CGREF1: variants seen among roughly 807,000 people sequenced by gnomAD.
CGREF1 encodes cell growth regulator with EF-hand domain 1.
CGREF1 carries 16 observed loss-of-function variants against 17.4 expected under a neutral mutation model. That is an observed-to-expected ratio of 0.92 (90% CI 0.62 to 1.40). The LOEUF (loss-of-function observed/expected upper bound fraction) is 1.40. Among genes scored for constraint, CGREF1 ranks in the 40% most tolerant of loss-of-function variants. The pLI is 0.00. For synonymous variants in CGREF1, 142 were observed against 154.6 expected (o/e 0.92, Z 0.61); for missense variants, 296 against 376.4 (o/e 0.79, Z 1.77).
In CGREF1 at chr2:27,104,542, A is replaced by G. The variant is rs1295151897; in HGVS notation, c.-11-165T>C. On this transcript the variant is annotated intron_variant, in intron 1 of 5. Coordinates refer to ENST00000402394, the MANE Select transcript of CGREF1 (RefSeq NM_006569.6). ...CTCACAGACAGACAGCAGGGATCCC[A>G]TGGAACTATGCTCAAAATAAATGTC... 12 of 1,550,618 alleles carry G rather than the reference A, an allele frequency of 7.7e-6. No homozygotes were observed. The Admixed American group carries it at 2.2e-4, about 28-fold the overall frequency.
At chr2:27,104,850 T>TC (rs1414936522) in intron 1 of CGREF1, 1 of 1,406,010 alleles carries the variant, frequency 7.1e-7, no homozygotes, top group Non-Finnish European at 9.4e-7. Flanking sequence ...TGTTTGTGTT[T>TC]ATTAAAAACC....
chr2:27,100,969 T>G lies in CGREF1; in HGVS notation c.*305A>C. Reference sequence around the variant, plus strand: ...CATGCGCTCTGCTGCCGGAGCACCGTGAGGCCCAGAAACACTGGGCAGGCG... The same window carrying G: ...CATGCGCTCTGCTGCCGGAGCACCGGGAGGCCCAGAAACACTGGGCAGGCG... On this transcript the variant is annotated 3_prime_UTR_variant, in exon 6 of 6. Coordinates refer to ENST00000402394, the MANE Select transcript of CGREF1 (RefSeq NM_006569.6). The G allele has an allele frequency of 8.5e-7, 1 of 1,177,390 alleles. No individual in the cohort carries two copies. Among genetic ancestry groups the G allele is most frequent in the African/African-American group, 1.6e-5 (1 of 63,162 alleles). The allele number at this position is 1,177,390 out of a possible 1,614,324, so 72.9% of individuals were successfully genotyped here. A position where few individuals can be genotyped will look rare whatever the true frequency, so the allele number is the denominator to read the frequency against.
Position 27,109,640 on chromosome 2 carries a change from C to A in CGREF1, c.-11-5263G>T, listed in dbSNP as rs184853416. Among the ~76,000 whole-genome samples the A allele has an allele frequency of 9.1e-4, 138 of 152,200 alleles. 5 individuals are homozygous for A. In the East Asian group the frequency reaches 0.023, roughly 25 times the overall value. ...GTGGCTCACGCCTGTAATCCCAGCACTCTGGGAGGCCGAGGTGGGCGGATC... is the reference window on the plus strand; with the variant it reads ...GTGGCTCACGCCTGTAATCCCAGCAATCTGGGAGGCCGAGGTGGGCGGATC... On this transcript the variant is annotated intron_variant, in intron 1 of 5. Coordinates refer to ENST00000402394, the MANE Select transcript of CGREF1 (RefSeq NM_006569.6).
chr2:27,104,417 C>T (rs1671036907), intron 1 of CGREF1, 40 bp from the exon 2 acceptor site: 11 of 1,604,958 alleles, frequency 6.9e-6, no homozygotes, highest in Non-Finnish European at 9.4e-6. Flanking sequence ...GGGAAAGAGG[C>T]GTCTGCCACC....
downstream of CGREF1, chr2:27,100,216 T>G: frequency 2.5e-6 from 1 of 403,154 alleles, no homozygotes; most frequent in Non-Finnish European, 4.7e-6. Context: ...TTCGGGGCCC[T>G]GCGTTGTGCA....
rs942907260 is a variant in CGREF1, at chr2:27,101,136, G to A, written c.*138C>T. 1.4e-6 allele frequency: 2 copies of A among 1,450,888 alleles called. No homozygotes were observed. Among genetic ancestry groups the A allele is most frequent in the Non-Finnish European group, 1.8e-6 (2 of 1,109,676 alleles). 89.9% of individuals were successfully genotyped at this position (1,450,888 alleles called of 1,614,324 possible). A position where few individuals can be genotyped will look rare whatever the true frequency, so the allele number is the denominator to read the frequency against. On this transcript the variant is annotated 3_prime_UTR_variant, in exon 6 of 6. Coordinates refer to ENST00000402394, the MANE Select transcript of CGREF1 (RefSeq NM_006569.6). ...CCTTAACTTAGGGTCTCCCTGAGCT[G>A]CACAGAAAGACCTGATACCTACTGG...
chr2:27,103,953 A>G (rs1490500367), intron 2 of CGREF1, among the ~76,000 whole-genome samples: 1 of 152,138 alleles, frequency 6.6e-6, no homozygotes, highest in East Asian at 1.9e-4. Flanking sequence ...ACTGCACTCC[A>G]GCCTGGGCGA....
intron 1 of CGREF1, 134 bp from the exon 2 acceptor site, chr2:27,104,511 G>A: frequency 6.4e-7 from 1 of 1,551,240 alleles, no homozygotes; most frequent in South Asian, 1.2e-5. Flanking sequence ...TCCTGCTCAG[G>A]GAGGACTCAC....
chr2:27,099,966 GCCAGCTTCTCCTCTCA>G, downstream of CGREF1: 1 of 1,027,662 alleles, frequency 9.7e-7, no homozygotes, highest in Non-Finnish European at 1.5e-6. Flanking sequence ...CTTCCTCAGA[GCCAGCTTCTCCTCTCA>G]ATGTCTGAAC....
chr2:27,101,068 G>C lies in CGREF1; in HGVS notation c.*206C>G, dbSNP rs1163576493. 3.7e-6 allele frequency: 5 copies of C among 1,348,384 alleles called. No homozygotes were observed. The highest frequency in any genetic ancestry group is 3.6e-5 in the Admixed American group (1 of 28,060). 83.5% of individuals were successfully genotyped at this position (1,348,384 alleles called of 1,614,324 possible). The stretch of plus-strand genomic sequence containing the variant: ...GGCAGGCTGGACGGGTAGAGAGGTG[G>C]CCGGGGGGATGAATTCATTCAGTTC... On this transcript the variant is annotated 3_prime_UTR_variant, in exon 6 of 6. Transcript: ENST00000402394.
At chr2:27,100,539 A>G, downstream of CGREF1, 1 of 1,290,858 alleles carries the variant, frequency 7.7e-7, no homozygotes, top group Non-Finnish European at 1.0e-6. Context: ...AGGGTGGGTA[A>G]GGCCTTATAA....
At position 27,102,590 on chromosome 2, in the gene CGREF1, G is replaced by A; in HGVS notation, c.82C>T (p.Pro28Ser). The A allele has an allele frequency of 6.2e-7, 1 of 1,611,214 alleles. No homozygotes were observed. The highest frequency in any genetic ancestry group is 8.5e-7 in the Non-Finnish European group (1 of 1,179,572). ...AGCTGATGCTGCACTTCAGAGTCTGGCCTGGAGGAGGAAGGGGAGGACCAG... is the reference window on the plus strand; with the variant it reads ...AGCTGATGCTGCACTTCAGAGTCTGACCTGGAGGAGGAAGGGGAGGACCAG... ...QAAPKDGVTR[P>S]DSEVQHQLLP... The change falls in exon 3 of 6, where the codon CCA (proline) becomes TCA (serine). Residue 28 changes from proline (P) to serine (S), a missense_variant and splice_region_variant. Physicochemically the swap from Pro to Ser is moderately conservative, Grantham distance 74. Coordinates refer to ENST00000402394, the MANE Select transcript of CGREF1 (RefSeq NM_006569.6).
At chr2:27,108,768 A>G (rs184741337) in intron 1 of CGREF1, among the ~76,000 whole-genome samples, 1 of 152,342 alleles carries the variant, frequency 6.6e-6, no homozygotes, top group Non-Finnish European at 1.5e-5. Flanking sequence ...ATATTCTAGA[A>G]TTCTATTCTC....
chr2:27,102,299 C>T (rs989207049), intron 4 of CGREF1, 61 bp downstream of exon 4: 1 of 1,612,136 alleles, frequency 6.2e-7, no homozygotes, highest in African/African-American at 1.3e-5. Context: ...CAGCCGAGGT[C>T]AGTCCCAGAT....
chr2:27,102,627 G>T, intron 2 of CGREF1, 36 bp from the exon 3 acceptor site: 2 of 1,584,572 alleles, frequency 1.3e-6, no homozygotes, highest in East Asian at 4.5e-5. Context: ...CTTGCAGAGA[G>T]CCTCCCTCAG....
Position 27,102,528 on chromosome 2 carries a change from G to C in CGREF1, c.144C>G (p.Leu48=). The change falls in exon 3 of 6, where the codon CTC becomes CTG. Residue 48 remains leucine, a splice_region_variant and synonymous_variant. Coordinates refer to ENST00000402394, the MANE Select transcript of CGREF1 (RefSeq NM_006569.6). ...PNPFQPGQEQ[L]GLLQSYLKGL... ...CACCCCCGGCCCACCCTACTCACCC[G>C]AGCTGCTCCTGGCCTGGCTGGAAGG... 1 of 1,613,982 alleles carries C rather than the reference G, an allele frequency of 6.2e-7. No individual in the cohort carries two copies. Among genetic ancestry groups the C allele is most frequent in the Non-Finnish European group, 8.5e-7 (1 of 1,179,910 alleles).
downstream of CGREF1, chr2:27,099,444 T>C (rs1558453028): frequency 6.2e-7 from 1 of 1,613,852 alleles, no homozygotes; most frequent in African/African-American, 1.3e-5. Context: ...GTGCCTGGGC[T>C]GAGGAGGGCG....
rs768096514 is a variant in CGREF1 at position 27,101,347 on chromosome 2, T to TCCC, written c.881_883dup (p.Gly294dup). 3.1e-6 allele frequency: 5 copies of TCCC among 1,611,004 alleles called. No individual in the cohort carries two copies. The highest frequency in any genetic ancestry group is 1.7e-6 in the Non-Finnish European group (2 of 1,178,326). On this transcript the variant is annotated inframe_insertion, in exon 6 of 6. Coordinates refer to ENST00000402394, the MANE Select transcript of CGREF1 (RefSeq NM_006569.6). ...TTGGGTGTTCTTAGACTCCAGTGTT[T>TCCC]CCCCTGGAAGTTCCTTGGCCTCCTC...
chr2:27,110,904 T>C (rs6547430), intron 1 of CGREF1: 149,120 of 152,726 alleles, frequency 0.98, 72,893 homozygotes, highest in East Asian at 1. Context: ...GCTCTTAAGG[T>C]AGTGCGTCTG....
Sources: gnomAD v4.1 joint callset for allele counts (sites outside exome capture counted in the v4.1 genomes callset) on GRCh38, gnomAD v4.1.1 for gene constraint, MANE v1.5 for transcripts, NCBI Gene and HGNC (gene_info 2026-07-23, HGNC 2026-07-21) for gene names.